The following ITGBL1 variants were observed in gnomAD, a reference collection of about 807,000 sequenced individuals.
ITGBL1 encodes integrin beta-like protein 1.
Under a neutral mutation model 68.5 loss-of-function variants are expected in ITGBL1, and 51 were observed. The observed-to-expected ratio is 0.74, with a 90% CI of 0.59 to 0.94. The LOEUF (loss-of-function observed/expected upper bound fraction) is 0.94, where lower values mean the gene tolerates loss of function less well. Among genes scored for constraint, ITGBL1 ranks in the 40% least tolerant of loss-of-function variants. The probability of loss-of-function intolerance (pLI) is 0.00; values close to 1 mark genes in which losing one functional copy is unlikely to be tolerated. For missense variants in ITGBL1, 649 were observed against 647.4 expected (o/e 1.00, Z -0.03); for synonymous variants, 209 against 227.3 (o/e 0.92, Z 0.72).
intron 7 of ITGBL1, among the ~76,000 whole-genome samples, chr13:101,654,770 C>G (rs1354885204): frequency 1.3e-5 from 2 of 152,010 alleles, no homozygotes; most frequent in African/African-American, 4.8e-5. Flanking sequence ...GTGTAAAGCT[C>G]TGGGCCTGGA....
chr13:101,497,677 G>C lies in ITGBL1; in HGVS notation c.316+43577G>C, dbSNP rs1441942355. 1.3e-5 allele frequency among the ~76,000 whole-genome samples: 2 copies of C among 152,170 alleles called. 1 individual carries two copies. The highest frequency in any genetic ancestry group is 2.9e-5 in the Non-Finnish European group (2 of 68,034). ...GCAAAGGTGCTCACTGTCTCTAGTG[G>C]TACTTGTCTTCCTGAGATGGAAGCT... On this transcript the variant is annotated intron_variant, in intron 2 of 10. Transcript: ENST00000376180.
chr13:101,603,584 C>CA (rs939257669), intron 7 of ITGBL1, among the ~76,000 whole-genome samples: 21 of 151,592 alleles, frequency 1.4e-4, no homozygotes, highest in African/African-American at 4.8e-4. Context: ...TAATCTACAG[C>CA]AAAAAATAAT....
intron 2 of ITGBL1, among the ~76,000 whole-genome samples, chr13:101,501,115 C>T (rs1455109830): frequency 6.6e-6 from 1 of 152,168 alleles, no homozygotes; most frequent in Non-Finnish European, 1.5e-5. Context: ...ATGGGTGGTT[C>T]ACCTTTTGGC....
At chr13:101,691,940 A>G (rs1247371812) in intron 7 of ITGBL1, among the ~76,000 whole-genome samples, 2 of 152,222 alleles carry the variant, frequency 1.3e-5, no homozygotes, top group Non-Finnish European at 2.9e-5. Context: ...TCATGATGAA[A>G]GTCAGCATAA....
At chr13:101,703,721 G>GAAAGAA (rs2034187763) in intron 8 of ITGBL1, among the ~76,000 whole-genome samples, 1 of 152,172 alleles carries the variant, frequency 6.6e-6, no homozygotes, top group Non-Finnish European at 1.5e-5. Flanking sequence ...CTGGTTGATT[G>GAAAGAA]AAAGGATAGC....
At chr13:101,558,499 G>T (rs2050047243) in intron 2 of ITGBL1, among the ~76,000 whole-genome samples, 1 of 152,158 alleles carries the variant, frequency 6.6e-6, no homozygotes, top group Admixed American at 6.5e-5. Flanking sequence ...TAGAGTCTTA[G>T]AACTGAAAGC....
At chr13:101,529,117 T>C (rs1315511529) in intron 2 of ITGBL1, among the ~76,000 whole-genome samples, 3 of 151,478 alleles carry the variant, frequency 2.0e-5, no homozygotes, top group African/African-American at 4.8e-5. Context: ...AATAAACACA[T>C]GGATAATGCT....
chr13:101,630,340 C>A (rs185854343), intron 7 of ITGBL1, among the ~76,000 whole-genome samples: 1 of 151,874 alleles, frequency 6.6e-6, no homozygotes, highest in African/African-American at 2.4e-5. Context: ...ACAATATTTT[C>A]TTTCTCTCTA....
chr13:101,543,741 G>T (rs1167390570), intron 2 of ITGBL1, among the ~76,000 whole-genome samples: 1 of 152,152 alleles, frequency 6.6e-6, no homozygotes, highest in Non-Finnish European at 1.5e-5. Context: ...ATATTTCTTG[G>T]AGGATTTGTT....
At chr13:101,604,286 C>T (rs2030559004) in intron 7 of ITGBL1, among the ~76,000 whole-genome samples, 1 of 151,848 alleles carries the variant, frequency 6.6e-6, no homozygotes, top group Non-Finnish European at 1.5e-5. Context: ...TTTCCTCAAA[C>T]ATGCATGTTT....
At chr13:101,465,175 G>T (rs1204433482) in intron 2 of ITGBL1, among the ~76,000 whole-genome samples, 2 of 152,140 alleles carry the variant, frequency 1.3e-5, no homozygotes, top group African/African-American at 4.8e-5. Flanking sequence ...AGATAGAAAA[G>T]AGAAAACAGC....
chr13:101,509,366 G>T (rs1352443011), intron 2 of ITGBL1, among the ~76,000 whole-genome samples: 2 of 152,124 alleles, frequency 1.3e-5, no homozygotes, highest in Admixed American at 6.6e-5. Context: ...TGAGATTTGG[G>T]TGGGGACACA....
At chr13:101,655,160 T>C (rs918798482) in intron 7 of ITGBL1, among the ~76,000 whole-genome samples, 2 of 152,188 alleles carry the variant, frequency 1.3e-5, no homozygotes, top group Non-Finnish European at 2.9e-5. Context: ...AAGTGTGCCA[T>C]GAAGGCGGGG....
intron 2 of ITGBL1, among the ~76,000 whole-genome samples, chr13:101,454,503 C>G (rs1312980872): frequency 6.6e-6 from 1 of 150,616 alleles, no homozygotes; most frequent in Non-Finnish European, 1.5e-5. Flanking sequence ...CCGTCATTTG[C>G]TTAATTCTAA....
rs566919362 is a variant in ITGBL1 at position 101,716,018 on chromosome 13, T to G, written c.*364T>G. 1.2e-4 allele frequency: 29 copies of G among 235,874 alleles called. No homozygotes were observed. In the South Asian group the frequency reaches 1.7e-3, roughly 14 times the overall value. 14.6% of individuals were successfully genotyped at this position (235,874 alleles called of 1,614,324 possible). ...TAGAGGCCAGGGATGCTGCTGAGCA[T>G]CCCGCAGTGTACAGGACAGCCCCCA... On this transcript the variant is annotated 3_prime_UTR_variant, in exon 11 of 11. Transcript: ENST00000376180.
rs181869177 is a variant in ITGBL1 at position 101,462,542 on chromosome 13, G to A, written c.316+8442G>A. Among the ~76,000 whole-genome samples the A allele has an allele frequency of 1.8e-4, 28 of 152,180 alleles. No homozygotes were observed. In the East Asian group the frequency reaches 4.4e-3, roughly 24 times the overall value. ...GGGCTGAGTCTTTTCCTTCTTTTCC[G>A]AGGTTATCTATATGATCTAATTGCT... is the stretch of plus-strand genomic sequence containing the variant. On this transcript the variant is annotated intron_variant, in intron 2 of 10. Coordinates refer to ENST00000376180, the MANE Select transcript of ITGBL1 (RefSeq NM_004791.3).
chr13:101,459,993 C>T (rs962727094), intron 2 of ITGBL1, among the ~76,000 whole-genome samples: 10 of 152,118 alleles, frequency 6.6e-5, no homozygotes, highest in East Asian at 1.9e-4. Context: ...GAGGACTGTT[C>T]GACTTGCCTT....
chr13:101,616,705 G>A (rs1364062564), intron 7 of ITGBL1, among the ~76,000 whole-genome samples: 1 of 152,116 alleles, frequency 6.6e-6, no homozygotes, highest in Non-Finnish European at 1.5e-5. Context: ...TGGCCAGGCT[G>A]TTCTCAAACT....
chr13:101,485,532 C>T (rs1566696398), intron 2 of ITGBL1, among the ~76,000 whole-genome samples: 1 of 152,100 alleles, frequency 6.6e-6, no homozygotes, highest in Non-Finnish European at 1.5e-5. Flanking sequence ...AGGCCAGGTG[C>T]GGTGGTTCAC....
Sources: gnomAD v4.1 joint callset for allele counts (sites outside exome capture counted in the v4.1 genomes callset) on GRCh38, gnomAD v4.1.1 for gene constraint, MANE v1.5 for transcripts, NCBI Gene and HGNC (gene_info 2026-07-23, HGNC 2026-07-21) for gene names.